The following NT5DC1 variants were observed in gnomAD, a reference collection of about 807,000 sequenced individuals.
The protein encoded by NT5DC1 is 5'-nucleotidase domain-containing protein 1.
NT5DC1 carries 42 observed loss-of-function variants against 59.4 expected under a neutral mutation model. The ratio of observed to expected loss-of-function variants is 0.71; its 90% CI spans 0.55 to 0.92. The LOEUF (loss-of-function observed/expected upper bound fraction) is 0.92. Among genes scored for constraint, NT5DC1 ranks in the 40% least tolerant of loss-of-function variants. The probability of loss-of-function intolerance (pLI) is 0.00; values close to 1 mark genes in which losing one functional copy is unlikely to be tolerated. For missense variants in NT5DC1, 501 were observed against 537.1 expected, an observed-to-expected ratio of 0.93 and a Z score of 0.66; for synonymous variants, 172 against 188.1, an observed-to-expected ratio of 0.91 and a Z score of 0.70.
At chr6:116,104,392 T>C (rs1048534645) in intron 1 of NT5DC1, among the ~76,000 whole-genome samples, 1 of 152,216 alleles carries the variant, frequency 6.6e-6, no homozygotes, top group Non-Finnish European at 1.5e-5. Context: ...TACATGCCCA[T>C]ATCTTAGACT....
intron 6 of NT5DC1, among the ~76,000 whole-genome samples, chr6:116,144,274 G>A (rs1041383764): frequency 2.6e-5 from 4 of 152,094 alleles, no homozygotes; most frequent in South Asian, 2.1e-4. Flanking sequence ...AGGCCGAGGC[G>A]GGCGGATCAT....
chr6:116,136,467 G>GT lies in NT5DC1; in HGVS notation c.529+18522_529+18523insT, dbSNP rs1398405339. ...TAGCTATTTTTTTTAAGTTTTGTGG[G>GT]GTTTTTTTTAAAAGAAGAAAATGAA... On this transcript the variant is annotated intron_variant, in intron 6 of 11. Coordinates refer to ENST00000319550, the MANE Select transcript of NT5DC1 (RefSeq NM_152729.3). Among the ~76,000 whole-genome samples the GT allele has an allele frequency of 1.2e-3, 172 of 143,270 alleles. 1 individual carries two copies. Among genetic ancestry groups the GT allele is most frequent in the African/African-American group, 4.2e-3 (162 of 38,298 alleles). The allele number at this position is 143,270 out of a possible 152,430, so 94.0% of individuals were successfully genotyped here. A position where few individuals can be genotyped will look rare whatever the true frequency, so the allele number is the denominator to read the frequency against.
At position 116,100,942 on chromosome 6, in the gene NT5DC1, C is replaced by T. The variant is rs778978456; in HGVS notation, c.12C>T (p.His4=). Reference sequence around the variant, plus strand: ...CTCCCCGCGCAGCCATGGCTCAGCACTTCTCCCTGGCCGCCTGCGACGTGG... The same window carrying T: ...CTCCCCGCGCAGCCATGGCTCAGCATTTCTCCCTGGCCGCCTGCGACGTGG... MAQ[H]FSLAACDVVG... is the part of the protein sequence containing the mutation. The change falls in exon 1 of 12, where the codon CAC becomes CAT. Residue 4 remains histidine, a synonymous_variant. Coordinates refer to ENST00000319550, the MANE Select transcript of NT5DC1 (RefSeq NM_152729.3). The T allele has an allele frequency of 1.9e-6, 3 of 1,603,602 alleles. No homozygotes were observed. Among genetic ancestry groups the T allele is most frequent in the South Asian group, 2.2e-5 (2 of 90,062 alleles).
At chr6:116,216,464 A>G (rs1781689452) in intron 6 of NT5DC1, among the ~76,000 whole-genome samples, 1 of 151,616 alleles carries the variant, frequency 6.6e-6, no homozygotes, top group Non-Finnish European at 1.5e-5. Flanking sequence ...TAGGGCCGGG[A>G]TATGCAAATT....
chr6:116,239,217 C>A, intron 11 of NT5DC1, 94 bp downstream of exon 11: 1 of 953,822 alleles, frequency 1.0e-6, no homozygotes, highest in Non-Finnish European at 1.6e-6. Flanking sequence ...AATGTTGCCA[C>A]AACATTGATT....
rs567698809 is a variant in NT5DC1 at position 116,188,538 on chromosome 6, A to G, written c.530-32516A>G. On this transcript the variant is annotated intron_variant, in intron 6 of 11. Coordinates refer to ENST00000319550, the MANE Select transcript of NT5DC1 (RefSeq NM_152729.3). Reference sequence around the variant, plus strand: ...AGAGAGAAAAAGCCAGTAATACAGGATATACATATTCTATGGTTGCATTTA... The same window carrying G: ...AGAGAGAAAAAGCCAGTAATACAGGGTATACATATTCTATGGTTGCATTTA... Among the ~76,000 whole-genome samples, 4 of 152,132 alleles carry G rather than the reference A, an allele frequency of 2.6e-5. No homozygotes were observed. The South Asian group carries it at 8.3e-4, about 32-fold the overall frequency.
At chr6:116,163,702 T>G (rs1780399113) in intron 6 of NT5DC1, among the ~76,000 whole-genome samples, 1 of 152,292 alleles carries the variant, frequency 6.6e-6, no homozygotes, top group Non-Finnish European at 1.5e-5. Flanking sequence ...GTTAGGTACA[T>G]CATTTGGTTG....
intron 6 of NT5DC1, among the ~76,000 whole-genome samples, chr6:116,167,710 A>G (rs1387955299): frequency 6.6e-6 from 1 of 152,188 alleles, no homozygotes; most frequent in African/African-American, 2.4e-5. Flanking sequence ...TGACTTGGGA[A>G]GTAGAGCTTT....
Position 116,127,460 on chromosome 6 carries a change from T to TAA in NT5DC1, c.529+9516_529+9517insAA, listed in dbSNP as rs1296251735. On this transcript the variant is annotated intron_variant, in intron 6 of 11. Transcript: ENST00000319550. ...AGATACATATAAAATATGTTTCTTATAGCAGTTTAGAATAACAAAATAGGA... is the reference window on the plus strand; with the variant it reads ...AGATACATATAAAATATGTTTCTTATAAAGCAGTTTAGAATAACAAAATAGGA... Among the ~76,000 whole-genome samples, 5 of 152,284 alleles carry TAA rather than the reference T, an allele frequency of 3.3e-5. No individual in the cohort carries two copies. The South Asian group carries it at 1.0e-3, about 32-fold the overall frequency.
chr6:116,115,876 T>C (rs1427162853), intron 5 of NT5DC1, 106 bp downstream of exon 5: 4 of 560,340 alleles, frequency 7.1e-6, no homozygotes, highest in Non-Finnish European at 9.7e-6. Context: ...GTTTCTTCTT[T>C]GTGGTTTCAG....
chr6:116,189,161 C>T (rs1781066626), intron 6 of NT5DC1, among the ~76,000 whole-genome samples: 1 of 151,326 alleles, frequency 6.6e-6, no homozygotes, highest in South Asian at 2.1e-4. Flanking sequence ...GAATTTTGTT[C>T]TTTTTTTTAG....
intron 4 of NT5DC1, among the ~76,000 whole-genome samples, chr6:116,112,793 A>G (rs140927069): frequency 6.6e-6 from 1 of 152,240 alleles, no homozygotes; most frequent in Non-Finnish European, 1.5e-5. Context: ...TGCTCTAAAG[A>G]TATACAGGTT....
chr6:116,108,790 T>G (rs1175220134), intron 3 of NT5DC1, among the ~76,000 whole-genome samples: 3 of 152,252 alleles, frequency 2.0e-5, no homozygotes, highest in Admixed American at 1.3e-4. Flanking sequence ...ATTGGGATTC[T>G]TTTTGTTAAG....
intron 6 of NT5DC1, among the ~76,000 whole-genome samples, chr6:116,153,662 G>A (rs929999605): frequency 2.0e-5 from 3 of 151,392 alleles, no homozygotes; most frequent in Non-Finnish European, 1.5e-5. Context: ...AATTGCTATT[G>A]TTGTCAAAAA....
chr6:116,206,423 AC>A (rs1781452145), intron 6 of NT5DC1, among the ~76,000 whole-genome samples: 1 of 151,970 alleles, frequency 6.6e-6, no homozygotes, highest in African/African-American at 2.4e-5. Flanking sequence ...TAAAGCACTT[AC>A]CCAAGGAAAT....
intron 1 of NT5DC1, among the ~76,000 whole-genome samples, chr6:116,102,581 T>C (rs1778681934): frequency 6.6e-6 from 1 of 152,246 alleles, no homozygotes; most frequent in South Asian, 2.1e-4. Flanking sequence ...AGAGCTAGTG[T>C]TGTCCATAGG....
intron 3 of NT5DC1, 37 bp from the exon 4 acceptor site, chr6:116,110,812 AC>A (rs1778859590): frequency 7.3e-7 from 1 of 1,370,196 alleles, no homozygotes; most frequent in African/African-American, 1.4e-5. Context: ...CATTCAAGGA[AC>A]CATTAATGAG....
intron 6 of NT5DC1, among the ~76,000 whole-genome samples, chr6:116,159,217 A>G (rs2114421447): frequency 6.6e-6 from 1 of 152,038 alleles, no homozygotes; most frequent in East Asian, 1.9e-4. Flanking sequence ...TGGTAGTTTT[A>G]TGGATTTTTA....
intron 6 of NT5DC1, chr6:116,125,952 C>A (rs78594129): frequency 0.027 from 4,268 of 157,990 alleles, 105 homozygotes; most frequent in Non-Finnish European, 0.039. Flanking sequence ...TTTTAAATCA[C>A]TTTAATACTT....
Sources: gnomAD v4.1 joint callset for allele counts (sites outside exome capture counted in the v4.1 genomes callset) on GRCh38, gnomAD v4.1.1 for gene constraint, MANE v1.5 for transcripts, NCBI Gene and HGNC (gene_info 2026-07-23, HGNC 2026-07-21) for gene names.